Variants in GPC5 observed in about 807,000 individuals in gnomAD.
GPC5 encodes glypican 5.
A neutral mutation model predicts 53.9 loss-of-function variants in GPC5; 47 were observed. The observed-to-expected ratio is 0.87, with a 90% CI of 0.69 to 1.11. GPC5 has a LOEUF of 1.11. Among genes scored for constraint, GPC5 ranks in the 50% most tolerant of loss-of-function variants. The pLI is 0.00. For synonymous variants in GPC5, 286 were observed against 263.3 expected, an observed-to-expected ratio of 1.09 and a Z score of -0.84; for missense variants, 748 against 713.1, an observed-to-expected ratio of 1.05 and a Z score of -0.56.
intron 4 of GPC5, among the ~76,000 whole-genome samples, chr13:91,753,455 C>A (rs893850377): frequency 6.6e-6 from 1 of 152,140 alleles, no homozygotes; most frequent in Non-Finnish European, 1.5e-5. Context: ...TAATGTCTTT[C>A]AAATCTTTCA....
At chr13:91,820,976 A>AT (rs2038485217) in intron 5 of GPC5, among the ~76,000 whole-genome samples, 1 of 147,830 alleles carries the variant, frequency 6.8e-6, no homozygotes, top group Non-Finnish European at 1.5e-5. Flanking sequence ...AAAAAAATAA[A>AT]CAAATAAAAT....
At chr13:92,621,275 T>C (rs1178375118) in intron 7 of GPC5, among the ~76,000 whole-genome samples, 3 of 152,086 alleles carry the variant, frequency 2.0e-5, no homozygotes, top group Admixed American at 2.0e-4. Flanking sequence ...CCCCTGATGG[T>C]ACCCACCACA....
At chr13:92,008,316 C>A (rs2040628704) in intron 6 of GPC5, among the ~76,000 whole-genome samples, 1 of 152,132 alleles carries the variant, frequency 6.6e-6, no homozygotes, top group Non-Finnish European at 1.5e-5. Context: ...CCCGCCTCGG[C>A]CTCCCAAAGT....
At chr13:92,506,541 T>C (rs1432257490) in intron 7 of GPC5, among the ~76,000 whole-genome samples, 1 of 152,134 alleles carries the variant, frequency 6.6e-6, no homozygotes, top group Non-Finnish European at 1.5e-5. Context: ...TTCTTGACAG[T>C]GACCAGAATA....
At chr13:92,432,321 T>A (rs966287103) in intron 7 of GPC5, among the ~76,000 whole-genome samples, 9 of 151,818 alleles carry the variant, frequency 5.9e-5, no homozygotes, top group Non-Finnish European at 1.2e-4. Flanking sequence ...CAGCCTAAGC[T>A]GACTAATAAA....
intron 6 of GPC5, among the ~76,000 whole-genome samples, chr13:92,131,302 AC>A (rs1237206143): frequency 6.6e-6 from 1 of 152,028 alleles, no homozygotes; most frequent in African/African-American, 2.4e-5. Flanking sequence ...ATGTATATGT[AC>A]CTTTTGACCC....
intron 7 of GPC5, among the ~76,000 whole-genome samples, chr13:92,163,111 A>G (rs2042002205): frequency 6.6e-6 from 1 of 152,166 alleles, no homozygotes; most frequent in Admixed American, 6.5e-5. Flanking sequence ...TTTTGAAACC[A>G]TCATAGGGAA....
At chr13:92,183,213 C>G (rs146212656) in intron 7 of GPC5, among the ~76,000 whole-genome samples, 20 of 152,222 alleles carry the variant, frequency 1.3e-4, no homozygotes, top group South Asian at 8.3e-4. Context: ...TTTATTTTTG[C>G]ATTAAAATTC....
intron 6 of GPC5, among the ~76,000 whole-genome samples, chr13:92,116,748 A>G (rs1395564456): frequency 6.6e-6 from 1 of 152,222 alleles, no homozygotes; most frequent in Non-Finnish European, 1.5e-5. Context: ...CTCCATTATG[A>G]CAGTATGTAG....
intron 6 of GPC5, among the ~76,000 whole-genome samples, chr13:91,939,804 C>A (rs1050721709): frequency 6.6e-6 from 1 of 152,110 alleles, no homozygotes; most frequent in East Asian, 1.9e-4. Flanking sequence ...GGAGATGGAA[C>A]TGACATACTG....
intron 7 of GPC5, among the ~76,000 whole-genome samples, chr13:92,788,318 A>C (rs1324677256): frequency 6.6e-6 from 1 of 152,150 alleles, no homozygotes; most frequent in African/African-American, 2.4e-5. Flanking sequence ...AATTATAAAA[A>C]CCTGAATTCT....
chr13:91,541,034 G>A (rs1055511655), intron 2 of GPC5, among the ~76,000 whole-genome samples: 3 of 152,058 alleles, frequency 2.0e-5, no homozygotes, highest in African/African-American at 7.2e-5. Context: ...CATTTTATAT[G>A]AATTATATCT....
At chr13:91,602,193 GC>G (rs2033203230) in intron 2 of GPC5, among the ~76,000 whole-genome samples, 1 of 152,216 alleles carries the variant, frequency 6.6e-6, no homozygotes, top group South Asian at 2.1e-4. Context: ...TCCGGGCTTT[GC>G]GAGCACCTGA....
chr13:91,438,569 C>T (rs1272987385), intron 1 of GPC5, among the ~76,000 whole-genome samples: 1 of 152,178 alleles, frequency 6.6e-6, no homozygotes, highest in African/African-American at 2.4e-5. Flanking sequence ...CAGTCTGCCC[C>T]TACTGGGTGG....
At chr13:91,504,364 T>C (rs1323182380) in intron 2 of GPC5, among the ~76,000 whole-genome samples, 1 of 152,118 alleles carries the variant, frequency 6.6e-6, no homozygotes, top group Non-Finnish European at 1.5e-5. Flanking sequence ...ATTCCATAAT[T>C]GTTATTCATT....
chr13:92,207,017 T>C (rs1040202080), intron 7 of GPC5, among the ~76,000 whole-genome samples: 1 of 152,208 alleles, frequency 6.6e-6, no homozygotes, highest in Non-Finnish European at 1.5e-5. Flanking sequence ...TGAATTTTCC[T>C]TTTTGCCTAT....
chr13:92,741,541 T>C (rs754769737), intron 7 of GPC5, among the ~76,000 whole-genome samples: 1 of 152,032 alleles, frequency 6.6e-6, no homozygotes, highest in Non-Finnish European at 1.5e-5. Context: ...AACAGTGCAT[T>C]AATAATGGAA....
intron 7 of GPC5, among the ~76,000 whole-genome samples, chr13:92,478,925 C>T (rs1046589345): frequency 1.3e-5 from 2 of 152,130 alleles, no homozygotes; most frequent in Non-Finnish European, 2.9e-5. Flanking sequence ...GGATTGAAGG[C>T]ATATCTACTC....
At chr13:91,627,560 A>G (rs1367889301) in intron 2 of GPC5, among the ~76,000 whole-genome samples, 1 of 152,118 alleles carries the variant, frequency 6.6e-6, no homozygotes, top group Non-Finnish European at 1.5e-5. Flanking sequence ...TCAGTAGTAC[A>G]GACTCTAAAT....
Sources: allele counts gnomAD v4.1 joint callset (sites outside exome capture counted in the v4.1 genomes callset), GRCh38; gene constraint gnomAD v4.1.1; transcripts MANE v1.5; gene names NCBI Gene and HGNC (gene_info 2026-07-23, HGNC 2026-07-21).